The following KCNMA1 variants were observed in gnomAD, a reference collection of about 807,000 sequenced individuals.
KCNMA1 encodes Calcium-activated potassium channel subunit alpha-1.
KCNMA1 carries 29 observed loss-of-function variants against 140.0 expected under a neutral mutation model. The observed-to-expected ratio is 0.21, with a 90% CI of 0.15 to 0.28. The LOEUF (loss-of-function observed/expected upper bound fraction) is 0.28. Ranked by LOEUF, KCNMA1 falls within the 10% of genes least tolerant of loss-of-function variation. The pLI, the probability that KCNMA1 is intolerant of heterozygous loss-of-function variation, is 1.00. For synonymous variants in KCNMA1, 612 were observed against 611.9 expected, an observed-to-expected ratio of 1.00 and a Z score of 0.00; for missense variants, 880 against 1,602.2, an observed-to-expected ratio of 0.55 and a Z score of 7.70.
chr10:77,599,558 T>C (rs1359150335), intron 1 of KCNMA1, among the ~76,000 whole-genome samples: 1 of 152,206 alleles, frequency 6.6e-6, no homozygotes, highest in Non-Finnish European at 1.5e-5. Flanking sequence ...TTGCATCTCA[T>C]GTCTATCTAT....
At chr10:77,506,571 TAGAGAG>T (rs72516981) in intron 1 of KCNMA1, among the ~76,000 whole-genome samples, 16,671 of 77,896 alleles carry the variant, frequency 0.21, 1,606 homozygotes, top group Middle Eastern at 0.3. Context: ...GAGATGTTCC[TAGAGAG>T]AGAGAGAGAG....
intron 1 of KCNMA1, among the ~76,000 whole-genome samples, chr10:77,544,727 C>T (rs1266009809): frequency 2.0e-5 from 3 of 152,198 alleles, no homozygotes; most frequent in Non-Finnish European, 4.4e-5. Flanking sequence ...TGAGGTCCCC[C>T]AGCTAGTAGT....
At chr10:77,463,172 C>T (rs1261165653) in intron 1 of KCNMA1, among the ~76,000 whole-genome samples, 1 of 152,156 alleles carries the variant, frequency 6.6e-6, no homozygotes, top group Non-Finnish European at 1.5e-5. Flanking sequence ...ACCTGCTTCC[C>T]TTCATATCAC....
chr10:77,325,851 C>T (rs1168765166), intron 2 of KCNMA1, among the ~76,000 whole-genome samples: 3 of 152,182 alleles, frequency 2.0e-5, no homozygotes, highest in African/African-American at 7.2e-5. Context: ...CAGAATACTT[C>T]TGTAGCTCCC....
chr10:77,129,886 A>T (rs905974860), intron 5 of KCNMA1, among the ~76,000 whole-genome samples: 11 of 152,174 alleles, frequency 7.2e-5, no homozygotes, highest in African/African-American at 2.7e-4. Flanking sequence ...TCGAAACTTG[A>T]TACACACAAA....
At chr10:77,025,376 G>T in intron 16 of KCNMA1, 1 of 1,272,048 alleles carries the variant, frequency 7.9e-7, no homozygotes, top group Non-Finnish European at 1.1e-6. Context: ...CTTGGCAAAT[G>T]GTTAGTCCTG....
chr10:77,408,926 C>T lies in KCNMA1; in HGVS notation c.379-4903G>A, dbSNP rs117586578. Among the ~76,000 whole-genome samples the T allele has an allele frequency of 1.1e-3, 173 of 152,254 alleles. No individual in the cohort carries two copies. The East Asian group carries it at 0.022, about 20-fold the overall frequency. On this transcript the variant is annotated intron_variant, in intron 1 of 27. Transcript: ENST00000286628. ...AACAGTGACATCTAATTTCAGTGCC[C>T]ACATCAGAAGGTGGGGAGGAATTCA...
intron 2 of KCNMA1, among the ~76,000 whole-genome samples, chr10:77,335,191 G>A (rs542936218): frequency 1.3e-5 from 2 of 152,222 alleles, no homozygotes; most frequent in African/African-American, 4.8e-5. Context: ...GGAAGCACAA[G>A]CGGTATAGTT....
chr10:77,151,474 C>G (rs1423727481), intron 5 of KCNMA1, among the ~76,000 whole-genome samples: 1 of 152,082 alleles, frequency 6.6e-6, no homozygotes, highest in Admixed American at 6.6e-5. Context: ...GATCTGCCCC[C>G]CCTTGCCCTT....
At chr10:77,375,953 G>A (rs1263447962) in intron 2 of KCNMA1, among the ~76,000 whole-genome samples, 1 of 152,156 alleles carries the variant, frequency 6.6e-6, no homozygotes, top group Non-Finnish European at 1.5e-5. Flanking sequence ...CCTCCCGTGG[G>A]TATGAGCCTC....
intron 23 of KCNMA1, among the ~76,000 whole-genome samples, chr10:76,933,118 T>C (rs2059681840): frequency 6.6e-6 from 1 of 152,174 alleles, no homozygotes. Context: ...GTAACCCTTG[T>C]CCAGTGCCCA....
chr10:77,620,047 CA>C (rs1460656721), intron 1 of KCNMA1, among the ~76,000 whole-genome samples: 19 of 152,314 alleles, frequency 1.2e-4, no homozygotes, highest in African/African-American at 3.6e-4. Context: ...GGGCACTCTG[CA>C]GTGATGATCA....
chr10:77,464,301 C>A (rs1487924784), intron 1 of KCNMA1, among the ~76,000 whole-genome samples: 1 of 152,116 alleles, frequency 6.6e-6, no homozygotes, highest in African/African-American at 2.4e-5. Flanking sequence ...AGGGCCTTTA[C>A]AGAAAAACGT....
intron 16 of KCNMA1, among the ~76,000 whole-genome samples, chr10:77,026,216 G>A (rs2093443474): frequency 6.6e-6 from 1 of 152,128 alleles, no homozygotes; most frequent in Admixed American, 6.6e-5. Flanking sequence ...AAGGCAACAA[G>A]TGAAAGACAA....
intron 14 of KCNMA1, among the ~76,000 whole-genome samples, chr10:77,047,034 T>C (rs899256506): frequency 6.6e-6 from 1 of 152,204 alleles, no homozygotes; most frequent in African/African-American, 2.4e-5. Context: ...TTTCTGAAAG[T>C]TGCTTGGATT....
chr10:77,562,049 C>T (rs1016344868), intron 1 of KCNMA1, among the ~76,000 whole-genome samples: 2 of 152,196 alleles, frequency 1.3e-5, no homozygotes, highest in African/African-American at 4.8e-5. Context: ...TAGTAAATGA[C>T]AGAGTCAAAA....
intron 2 of KCNMA1, among the ~76,000 whole-genome samples, chr10:77,335,858 G>T (rs11002127): frequency 0.23 from 35,581 of 152,006 alleles, 5,189 homozygotes; most frequent in Non-Finnish European, 0.33. Flanking sequence ...GCCCGGTCAG[G>T]TCTGACTCCA....
chr10:77,602,540 T>TA (rs1567808058), intron 1 of KCNMA1, among the ~76,000 whole-genome samples: 1 of 152,194 alleles, frequency 6.6e-6, no homozygotes, highest in East Asian at 1.9e-4. Flanking sequence ...GAGTAAATTT[T>TA]ATAGCATGTG....
intron 25 of KCNMA1, among the ~76,000 whole-genome samples, chr10:76,894,464 G>T (rs182286023): frequency 6.6e-6 from 1 of 152,150 alleles, no homozygotes; most frequent in Admixed American, 6.5e-5. Context: ...ACTACAAGAA[G>T]AACAGATTAA....
Sources: allele counts gnomAD v4.1 joint callset (sites outside exome capture counted in the v4.1 genomes callset), GRCh38; gene constraint gnomAD v4.1.1; transcripts MANE v1.5; gene names NCBI Gene and HGNC (gene_info 2026-07-23, HGNC 2026-07-21).